The following SNTG1 variants were observed in gnomAD, a reference collection of about 807,000 sequenced individuals.
SNTG1 encodes syntrophin gamma 1.
Under a neutral mutation model 74.7 loss-of-function variants are expected in SNTG1, and 39 were observed. The ratio of observed to expected loss-of-function variants is 0.52; its 90% CI spans 0.40 to 0.68. The LOEUF (loss-of-function observed/expected upper bound fraction) is 0.68, where lower values mean the gene tolerates loss of function less well. Ranked by LOEUF, SNTG1 falls within the 30% of genes least tolerant of loss-of-function variation. The pLI is 0.00. For missense variants in SNTG1, 685 were observed against 609.5 expected, an observed-to-expected ratio of 1.12 and a Z score of -1.30; for synonymous variants, 254 against 217.1, an observed-to-expected ratio of 1.17 and a Z score of -1.49.
intron 2 of SNTG1, among the ~76,000 whole-genome samples, chr8:50,334,171 A>G (rs1020015200): frequency 1.3e-5 from 2 of 152,178 alleles, no homozygotes; most frequent in Non-Finnish European, 2.9e-5. Context: ...TGCCGGGATT[A>G]CAGGCCTGAG....
At chr8:50,355,249 A>AG (rs201428684) in intron 2 of SNTG1, among the ~76,000 whole-genome samples, 12,053 of 152,234 alleles carry the variant, frequency 0.079, 569 homozygotes, top group African/African-American at 0.12. Flanking sequence ...TTAAATAATT[A>AG]ATTAATTAAA....
chr8:50,556,454 C>T (rs2094456077), intron 12 of SNTG1, among the ~76,000 whole-genome samples: 1 of 152,058 alleles, frequency 6.6e-6, no homozygotes, highest in Non-Finnish European at 1.5e-5. Flanking sequence ...TGAGTAGATT[C>T]TAAAAGGTAG....
chr8:50,050,582 T>C (rs1176310591), intron 1 of SNTG1, among the ~76,000 whole-genome samples: 2 of 152,048 alleles, frequency 1.3e-5, no homozygotes, highest in Non-Finnish European at 2.9e-5. Context: ...TAAGTACAGA[T>C]GCTTAATTGA....
chr8:50,592,389 A>G (rs954774763), intron 13 of SNTG1, among the ~76,000 whole-genome samples: 14 of 152,178 alleles, frequency 9.2e-5, no homozygotes, highest in African/African-American at 2.9e-4. Context: ...CATGGGAGAT[A>G]TTAATATTGG....
intron 12 of SNTG1, among the ~76,000 whole-genome samples, chr8:50,589,284 A>C (rs537281163): frequency 1.8e-4 from 27 of 152,294 alleles, no homozygotes; most frequent in African/African-American, 6.0e-4. Context: ...AAAAATTATA[A>C]TATAACAATT....
chr8:50,431,275 G>A (rs772270340), intron 4 of SNTG1, among the ~76,000 whole-genome samples: 4 of 152,152 alleles, frequency 2.6e-5, no homozygotes, highest in South Asian at 2.1e-4. Context: ...CTGTGTCAAT[G>A]TGGGTTTGTC....
intron 11 of SNTG1, among the ~76,000 whole-genome samples, chr8:50,537,194 A>G (rs1585611977): frequency 6.6e-6 from 1 of 152,238 alleles, no homozygotes; most frequent in Non-Finnish European, 1.5e-5. Flanking sequence ...GGGTGATCTT[A>G]GCTCACTGCA....
chr8:50,407,703 T>C (rs1477458017), intron 4 of SNTG1, among the ~76,000 whole-genome samples: 2 of 152,166 alleles, frequency 1.3e-5, no homozygotes, highest in Non-Finnish European at 2.9e-5. Flanking sequence ...CAGTATTGCA[T>C]TAGATGAAGA....
intron 2 of SNTG1, among the ~76,000 whole-genome samples, chr8:50,374,016 T>A (rs1229273176): frequency 1.3e-5 from 2 of 152,198 alleles, no homozygotes; most frequent in Non-Finnish European, 2.9e-5. Flanking sequence ...GGATTTAAAT[T>A]TATCTTCCCC....
At chr8:50,075,478 A>T (rs570018049) in intron 1 of SNTG1, among the ~76,000 whole-genome samples, 1 of 152,202 alleles carries the variant, frequency 6.6e-6, no homozygotes, top group African/African-American at 2.4e-5. Context: ...TGTCTAACTC[A>T]GGGATTGTAA....
intron 17 of SNTG1, among the ~76,000 whole-genome samples, chr8:50,728,532 G>A (rs149196463): frequency 5.2e-4 from 79 of 152,182 alleles, no homozygotes; most frequent in African/African-American, 1.9e-3. Context: ...TTATCAATCT[G>A]CCACCAAATA....
chr8:50,688,418 T>G (rs941997435), intron 15 of SNTG1, among the ~76,000 whole-genome samples: 13 of 152,356 alleles, frequency 8.5e-5, no homozygotes, highest in South Asian at 2.1e-4. Context: ...TAATCCATCT[T>G]GAATTAATTC....
intron 1 of SNTG1, among the ~76,000 whole-genome samples, chr8:50,032,415 A>C (rs1747938900): frequency 6.6e-6 from 1 of 152,066 alleles, no homozygotes; most frequent in African/African-American, 2.4e-5. Context: ...CTTTTAATAT[A>C]AACATTTAGA....
intron 1 of SNTG1, among the ~76,000 whole-genome samples, chr8:49,942,390 C>T (rs1203572988): frequency 6.6e-6 from 1 of 152,128 alleles, no homozygotes; most frequent in Non-Finnish European, 1.5e-5. Flanking sequence ...AGTTCTCAAA[C>T]ACCCCATATG....
chr8:50,441,023 T>A (rs1375307821), intron 5 of SNTG1, among the ~76,000 whole-genome samples: 2 of 152,188 alleles, frequency 1.3e-5, no homozygotes, highest in Non-Finnish European at 2.9e-5. Context: ...TCTTGACAGA[T>A]CTTGGCTTGG....
At chr8:50,012,220 C>T (rs542291416) in intron 1 of SNTG1, among the ~76,000 whole-genome samples, 2 of 152,172 alleles carry the variant, frequency 1.3e-5, no homozygotes, top group South Asian at 4.2e-4. Flanking sequence ...GTGGACGTTG[C>T]CTGCATCTTC....
Position 50,785,051 on chromosome 8 carries a change from TTTG to T in SNTG1, c.1396-7617_1396-7615del, listed in dbSNP as rs549672599. On this transcript the variant is annotated intron_variant, in intron 18 of 18. Coordinates refer to ENST00000642720, the MANE Select transcript of SNTG1 (RefSeq NM_018967.5). ...TAAAACATATGCTACGCAGCTATAGTTTGTTTAGAGAAAAATTTTAACTTCAAA... is the reference window on the plus strand; with the variant it reads ...TAAAACATATGCTACGCAGCTATAGTTTTAGAGAAAAATTTTAACTTCAAA... 1.9e-3 allele frequency among the ~76,000 whole-genome samples: 291 copies of T among 152,110 alleles called. 2 individuals are homozygous for T. The highest frequency in any genetic ancestry group is 6.8e-3 in the African/African-American group (281 of 41,552).
At chr8:50,781,633 A>T (rs1052139232) in intron 18 of SNTG1, among the ~76,000 whole-genome samples, 10 of 152,148 alleles carry the variant, frequency 6.6e-5, no homozygotes, top group African/African-American at 2.2e-4. Flanking sequence ...AATACAGCAC[A>T]TTGGTGGGTC....
At position 50,624,156 on chromosome 8, in the gene SNTG1, C is replaced by T. The variant is rs6992739; in HGVS notation, c.850-32753C>T. Among the ~76,000 whole-genome samples the T allele has an allele frequency of 3.3e-3, 495 of 151,964 alleles. 3 individuals are homozygous for T. The highest frequency in any genetic ancestry group is 0.011 in the African/African-American group (465 of 41,486). On this transcript the variant is annotated intron_variant, in intron 13 of 18. Transcript: ENST00000642720. ...ATTTTCTCATGGCTATGGTTATACA[C>T]ATAGTCATATATCACAAAGCTCCTA...
Sources: gnomAD v4.1 joint callset for allele counts (sites outside exome capture counted in the v4.1 genomes callset) on GRCh38, gnomAD v4.1.1 for gene constraint, MANE v1.5 for transcripts, NCBI Gene and HGNC (gene_info 2026-07-23, HGNC 2026-07-21) for gene names.